Variants in CFAP210 observed in about 807,000 individuals in gnomAD.
CFAP210 encodes cilia- and flagella- associated protein 210.
the CFAP210 span, among the ~76,000 whole-genome samples, chr2:169,682,522 G>T: frequency 2.6e-5 from 4 of 152,116 alleles, no homozygotes; most frequent in Non-Finnish European, 5.9e-5. Context: ...TCAACATGCT[G>T]TTTGTTTCCT....
the CFAP210 span, among the ~76,000 whole-genome samples, chr2:169,647,230 A>C: frequency 6.6e-6 from 1 of 152,134 alleles, no homozygotes; most frequent in Non-Finnish European, 1.5e-5. Context: ...CGAAGGTAAA[A>C]TGCTAATATT....
chr2:169,670,299 C>T, the CFAP210 span, among the ~76,000 whole-genome samples: 6 of 152,196 alleles, frequency 3.9e-5, no homozygotes, highest in East Asian at 1.2e-3. Context: ...TCTTATTTGT[C>T]TTATCGCCGT....
chr2:169,684,331 T>C, the CFAP210 span, among the ~76,000 whole-genome samples: 6 of 152,316 alleles, frequency 3.9e-5, no homozygotes, highest in Middle Eastern at 3.4e-3. Context: ...ATAATACACA[T>C]AAAAATCCGC....
chr2:169,664,975 A>G, the CFAP210 span, among the ~76,000 whole-genome samples: 2 of 152,254 alleles, frequency 1.3e-5, no homozygotes, highest in African/African-American at 4.8e-5. Context: ...ACTACATCCC[A>G]AGAAAACTTG....
the CFAP210 span, among the ~76,000 whole-genome samples, chr2:169,690,418 T>C: frequency 6.6e-6 from 1 of 152,214 alleles, no homozygotes; most frequent in African/African-American, 2.4e-5. Context: ...GAGAATTTTT[T>C]CAATTAATAA....
chr2:169,677,063 C>A, the CFAP210 span, among the ~76,000 whole-genome samples: 1 of 152,126 alleles, frequency 6.6e-6, no homozygotes, highest in African/African-American at 2.4e-5. Context: ...CAGAGGGAGG[C>A]CAGCAGATGC....
the CFAP210 span, among the ~76,000 whole-genome samples, chr2:169,663,476 C>T: frequency 5.3e-5 from 8 of 152,144 alleles, no homozygotes; most frequent in African/African-American, 1.7e-4. Flanking sequence ...GTTGGGATTA[C>T]AGGCATGAGC....
At chr2:169,654,252 G>T in the CFAP210 span, 17 of 1,503,618 alleles carry the variant, frequency 1.1e-5, no homozygotes, top group Admixed American at 2.2e-5. Flanking sequence ...TTATCACAAA[G>T]AAAAATATCT....
the CFAP210 span, chr2:169,674,511 G>A: frequency 7.5e-7 from 1 of 1,332,264 alleles, no homozygotes; most frequent in Non-Finnish European, 1.0e-6. Flanking sequence ...TTTATAATTA[G>A]AAAAAAGCTA....
At chr2:169,662,435 T>C in the CFAP210 span, 1 of 1,573,446 alleles carries the variant, frequency 6.4e-7, no homozygotes, top group Non-Finnish European at 8.6e-7. Context: ...TGTTCCTTTA[T>C]TCTAAAGCAA....
At chr2:169,651,292 G>C in the CFAP210 span, among the ~76,000 whole-genome samples, 1 of 151,694 alleles carries the variant, frequency 6.6e-6, no homozygotes, top group Non-Finnish European at 1.5e-5. Context: ...CTACTCAGGA[G>C]GCTGAGGCAG....
At chr2:169,688,141 T>C in the CFAP210 span, among the ~76,000 whole-genome samples, 3 of 152,188 alleles carry the variant, frequency 2.0e-5, no homozygotes, top group Non-Finnish European at 4.4e-5. Context: ...AAACCATTTT[T>C]TCCTCCTGGA....
chr2:169,656,716 C>A, the CFAP210 span, among the ~76,000 whole-genome samples: 2 of 152,158 alleles, frequency 1.3e-5, no homozygotes, highest in African/African-American at 2.4e-5. Flanking sequence ...GTAATCCCAG[C>A]ACTTTGGGAG....
chr2:169,646,569 C>CT, the CFAP210 span, among the ~76,000 whole-genome samples: 4 of 152,310 alleles, frequency 2.6e-5, no homozygotes, highest in South Asian at 6.2e-4. Flanking sequence ...TCACTCAACT[C>CT]TACTGTGCTG....
chr2:169,680,807 C>G, the CFAP210 span, among the ~76,000 whole-genome samples: 1 of 152,054 alleles, frequency 6.6e-6, no homozygotes, highest in Non-Finnish European at 1.5e-5. Context: ...ATACATATGT[C>G]AAAATTATAG....
the CFAP210 span, among the ~76,000 whole-genome samples, chr2:169,673,338 T>C: frequency 6.6e-6 from 1 of 152,172 alleles, no homozygotes; most frequent in Non-Finnish European, 1.5e-5. Context: ...AGCTGCAATA[T>C]AACAAAAGAG....
At chr2:169,675,114 G>T in the CFAP210 span, 2 of 1,027,722 alleles carry the variant, frequency 1.9e-6, no homozygotes, top group African/African-American at 1.7e-5. Context: ...ATAATAATAT[G>T]ATAATTTGAG....
chr2:169,661,240 T>C, the CFAP210 span: 125 of 565,300 alleles, frequency 2.2e-4, no homozygotes, highest in South Asian at 1.6e-3. Context: ...TTGTATTTCA[T>C]GGTCATCTCC....
chr2:169,667,664 C>T, the CFAP210 span, among the ~76,000 whole-genome samples: 1 of 152,064 alleles, frequency 6.6e-6, no homozygotes, highest in African/African-American at 2.4e-5. Context: ...TTGTATATCT[C>T]CATCAGAACT....
Sources: allele counts gnomAD v4.1 joint callset (sites outside exome capture counted in the v4.1 genomes callset), GRCh38; gene constraint gnomAD v4.1.1; transcripts MANE v1.5; gene names NCBI Gene and HGNC (gene_info 2026-07-23, HGNC 2026-07-21).